The following LARGE1 variants were observed in gnomAD, a reference collection of about 807,000 sequenced individuals.
LARGE1 encodes the protein xylosyl- and glucuronyltransferase LARGE1.
Under a neutral mutation model 87.6 loss-of-function variants are expected in LARGE1, and 43 were observed. The observed-to-expected ratio is 0.49, with a 90% CI of 0.38 to 0.63. LARGE1 has a LOEUF of 0.63. LARGE1 is among the 30% of genes least tolerant of loss of function. The pLI, the probability that LARGE1 is intolerant of heterozygous loss-of-function variation, is 0.00. For synonymous variants in LARGE1, 434 were observed against 394.6 expected (o/e 1.10, Z -1.18); for missense variants, 802 against 1,000.2 (o/e 0.80, Z 2.67).
intron 2 of LARGE1, among the ~76,000 whole-genome samples, chr22:33,678,111 T>C (rs1249680127): frequency 6.6e-6 from 1 of 152,208 alleles, no homozygotes; most frequent in Non-Finnish European, 1.5e-5. Flanking sequence ...GGGACGTATT[T>C]ACTCAATTCA....
chr22:33,364,138 T>G (rs1446059818), intron 9 of LARGE1, among the ~76,000 whole-genome samples: 1 of 151,706 alleles, frequency 6.6e-6, no homozygotes, highest in Non-Finnish European at 1.5e-5. Context: ...CACTGCAAAC[T>G]CCGCCCCCCG....
chr22:33,421,228 A>G (rs899164278), intron 7 of LARGE1, among the ~76,000 whole-genome samples: 5 of 151,980 alleles, frequency 3.3e-5, no homozygotes, highest in African/African-American at 7.3e-5. Context: ...CAATCAATCA[A>G]TCAATCAATC....
intron 2 of LARGE1, among the ~76,000 whole-genome samples, chr22:33,748,024 CAAAAAAAAAAAAAA>C (rs535230421): frequency 4.8e-3 from 104 of 21,734 alleles, no homozygotes; most frequent in South Asian, 0.011. Flanking sequence ...TCTGCTGGAG[CAAAAAAAAAAAAAA>C]AAAAAAAAAA....
At chr22:33,277,655 G>C (rs1929601454) in intron 13 of LARGE1, among the ~76,000 whole-genome samples, 1 of 152,196 alleles carries the variant, frequency 6.6e-6, no homozygotes, top group South Asian at 2.1e-4. Flanking sequence ...CGGAGGCCTA[G>C]GACCTCAGGG....
intron 1 of LARGE1, among the ~76,000 whole-genome samples, chr22:33,786,059 A>AT (rs959241610): frequency 9.2e-5 from 14 of 152,250 alleles, no homozygotes; most frequent in Non-Finnish European, 1.2e-4. Context: ...TATTATTTTT[A>AT]TTTTTTTAAT....
At chr22:33,237,424 T>A (rs1325910511) in intron 11 of LARGE1, among the ~76,000 whole-genome samples, 2 of 151,828 alleles carry the variant, frequency 1.3e-5, no homozygotes, top group African/African-American at 4.9e-5. Context: ...CCTGCTAAAG[T>A]TGACTTTACT....
At chr22:33,489,300 A>G (rs1426500364) in intron 6 of LARGE1, among the ~76,000 whole-genome samples, 1 of 151,976 alleles carries the variant, frequency 6.6e-6, no homozygotes, top group African/African-American at 2.4e-5. Context: ...TTATATTTAG[A>G]TGTTACCTTC....
At chr22:33,093,893 T>C in the LARGE1 span, among the ~76,000 whole-genome samples, 13 of 142,532 alleles carry the variant, frequency 9.1e-5, no homozygotes, top group Non-Finnish European at 2.0e-4. Context: ...AATGGTGCAA[T>C]CTTAACTCAC....
chr22:33,403,056 C>T (rs1042487720), intron 7 of LARGE1, among the ~76,000 whole-genome samples: 2 of 129,910 alleles, frequency 1.5e-5, no homozygotes, highest in African/African-American at 6.8e-5. Context: ...AAAAACAAAA[C>T]AAACAACAAC....
At chr22:33,858,593 A>G (rs1046267051) in intron 1 of LARGE1, among the ~76,000 whole-genome samples, 2 of 152,210 alleles carry the variant, frequency 1.3e-5, no homozygotes, top group Non-Finnish European at 2.9e-5. Context: ...CTAAGATGCA[A>G]GCACCCTGTT....
chr22:33,253,837 C>A lies in LARGE1; in HGVS notation c.1730+50392G>T, dbSNP rs534104689. 4.3e-4 allele frequency among the ~76,000 whole-genome samples: 65 copies of A among 152,124 alleles called. 2 individuals are homozygous for A. In the South Asian group the frequency reaches 0.012, roughly 29 times the overall value. ...TGGCTGGCATACTTTGCCAAAGGTT[C>A]CTATGCCCAGGGGATGGTGGGTATG... On this transcript the variant is annotated intron_variant, in intron 11 of 11. Coordinates refer to the LARGE1 transcript ENST00000608642.
intron 11 of LARGE1, among the ~76,000 whole-genome samples, chr22:33,216,306 AGC>A (rs1462851726): frequency 2.6e-5 from 4 of 152,178 alleles, no homozygotes; most frequent in Admixed American, 2.6e-4. Context: ...ACCTAGTGAG[AGC>A]TATCCCACTC....
chr22:33,351,522 T>C (rs1391546236), intron 9 of LARGE1, among the ~76,000 whole-genome samples: 1 of 152,122 alleles, frequency 6.6e-6, no homozygotes, highest in Non-Finnish European at 1.5e-5. Context: ...AGTCCTGCAT[T>C]ATAACCCAAA....
chr22:33,612,672 A>G (rs980876392), intron 4 of LARGE1, among the ~76,000 whole-genome samples: 2 of 152,230 alleles, frequency 1.3e-5, no homozygotes, highest in Admixed American at 6.5e-5. Flanking sequence ...TAGGGAGGAT[A>G]AAAAGAAAAA....
intron 7 of LARGE1, among the ~76,000 whole-genome samples, chr22:33,429,444 G>C (rs1002836802): frequency 3.3e-5 from 5 of 152,162 alleles, no homozygotes; most frequent in Admixed American, 6.5e-5. Flanking sequence ...GGTGGTTTAC[G>C]TGCTCCTGTG....
rs141908644 is a variant in LARGE1, at chr22:33,874,640, G to A, written c.-83+45355C>T. Among the ~76,000 whole-genome samples the A allele has an allele frequency of 1.2e-3, 181 of 152,210 alleles. 3 individuals are homozygous for A. The Middle Eastern group carries it at 0.014, about 11-fold the overall frequency. On this transcript the variant is annotated intron_variant, in intron 1 of 14. Coordinates refer to ENST00000397394, the MANE Select transcript of LARGE1 (RefSeq NM_133642.5). ...GGGCAAGACACTATTTCCACCCAACGATCACTGGAAAGTGTGGAGTCAGGT... is the reference window on the plus strand; with the variant it reads ...GGGCAAGACACTATTTCCACCCAACAATCACTGGAAAGTGTGGAGTCAGGT...
the LARGE1 span, among the ~76,000 whole-genome samples, chr22:33,104,899 C>CTTTCTT: frequency 2.2e-5 from 1 of 44,868 alleles, no homozygotes; most frequent in Non-Finnish European, 6.3e-5. Flanking sequence ...CTCTTTCTTT[C>CTTTCTT]TTTCTTTCTT....
chr22:33,663,222 T>G (rs749429332), intron 2 of LARGE1, among the ~76,000 whole-genome samples: 1 of 152,148 alleles, frequency 6.6e-6, no homozygotes, highest in Non-Finnish European at 1.5e-5. Flanking sequence ...GGATGGGCAC[T>G]TGGCAAAGAT....
At chr22:33,564,006 T>C (rs764629518) in intron 6 of LARGE1, among the ~76,000 whole-genome samples, 5 of 152,160 alleles carry the variant, frequency 3.3e-5, no homozygotes, top group African/African-American at 4.8e-5. Flanking sequence ...AATCATTAAG[T>C]AGTATTTTGC....
Sources: allele counts gnomAD v4.1 joint callset (sites outside exome capture counted in the v4.1 genomes callset), GRCh38; gene constraint gnomAD v4.1.1; transcripts MANE v1.5; gene names NCBI Gene and HGNC (gene_info 2026-07-23, HGNC 2026-07-21).